SWAP70: variants seen among roughly 807,000 people sequenced by gnomAD.
SWAP70 encodes switch-associated protein 70.
SWAP70 carries 34 observed loss-of-function variants against 80.2 expected under a neutral mutation model. That is an observed-to-expected ratio of 0.42 (90% CI 0.32 to 0.56). The LOEUF is 0.56. Ranked by LOEUF, SWAP70 falls within the 20% of genes least tolerant of loss-of-function variation. The pLI is 0.09. For synonymous variants in SWAP70, 239 were observed against 238.5 expected (o/e 1.00, Z -0.02); for missense variants, 578 against 690.7 (o/e 0.84, Z 1.83).
At position 9,750,073 on chromosome 11, in the gene SWAP70, C is replaced by T; in HGVS notation, c.*103C>T. The T allele has an allele frequency of 5.1e-6, 4 of 776,822 alleles. No homozygotes were observed. In the South Asian group the frequency reaches 6.4e-5, roughly 13 times the overall value. The allele number at this position is 776,822 out of a possible 1,614,324, so 48.1% of individuals were successfully genotyped here. On this transcript the variant is annotated 3_prime_UTR_variant, in exon 12 of 12. Transcript: ENST00000318950. ...GCTTTGGGGGCCGGGCGTGGTGGCTCACGCCTGTAATCCCAGCACTTTGGG... is the reference window on the plus strand; with the variant it reads ...GCTTTGGGGGCCGGGCGTGGTGGCTTACGCCTGTAATCCCAGCACTTTGGG...
At chr11:9,719,803 G>A (rs1168153731) in intron 3 of SWAP70, among the ~76,000 whole-genome samples, 1 of 152,142 alleles carries the variant, frequency 6.6e-6, no homozygotes, top group Non-Finnish European at 1.5e-5. Flanking sequence ...TGTGTCTCTT[G>A]TGTACCTATT....
intron 7 of SWAP70, among the ~76,000 whole-genome samples, chr11:9,735,169 C>T (rs1327009079): frequency 6.6e-6 from 1 of 152,092 alleles, no homozygotes; most frequent in Non-Finnish European, 1.5e-5. Flanking sequence ...CTCCCCCTCC[C>T]CCACTTATGA....
intron 1 of SWAP70, among the ~76,000 whole-genome samples, chr11:9,693,148 G>A (rs373873128): frequency 3.3e-5 from 5 of 152,190 alleles, no homozygotes; most frequent in Non-Finnish European, 5.9e-5. Context: ...AATGTTTAGG[G>A]CTGAGAAAAA....
intron 2 of SWAP70, among the ~76,000 whole-genome samples, chr11:9,706,673 A>G (rs1162435199): frequency 6.6e-6 from 1 of 152,110 alleles, no homozygotes; most frequent in Non-Finnish European, 1.5e-5. Context: ...ATGTATGATT[A>G]ATTTTTACTC....
At chr11:9,680,175 A>G (rs1242114061) in intron 1 of SWAP70, among the ~76,000 whole-genome samples, 1 of 152,148 alleles carries the variant, frequency 6.6e-6, no homozygotes, top group Non-Finnish European at 1.5e-5. Context: ...TAAGTTGAGG[A>G]TTGTGTGATG....
intron 7 of SWAP70, 102 bp downstream of exon 7, chr11:9,732,812 GT>G: frequency 9.0e-7 from 1 of 1,105,380 alleles, no homozygotes; most frequent in Non-Finnish European, 1.3e-6. Flanking sequence ...ATGTAGTGCA[GT>G]TTTAGGGAGA....
chr11:9,682,084 A>G (rs1850574333), intron 1 of SWAP70, among the ~76,000 whole-genome samples: 1 of 152,114 alleles, frequency 6.6e-6, no homozygotes, highest in South Asian at 2.1e-4. Context: ...TTGTAGCTTG[A>G]TGTGTTTACC....
chr11:9,718,222 A>T (rs1851090293), intron 3 of SWAP70, among the ~76,000 whole-genome samples: 1 of 152,140 alleles, frequency 6.6e-6, no homozygotes, highest in South Asian at 2.1e-4. Context: ...TACTGTTTGG[A>T]CTCACTCTGT....
chr11:9,666,956 C>T (rs1355648863), intron 1 of SWAP70, among the ~76,000 whole-genome samples: 1 of 152,102 alleles, frequency 6.6e-6, no homozygotes, highest in East Asian at 1.9e-4. Flanking sequence ...AACTCCTGAC[C>T]TCGTGATCTG....
chr11:9,708,135 G>A (rs2134467729), intron 2 of SWAP70, among the ~76,000 whole-genome samples: 1 of 152,218 alleles, frequency 6.6e-6, no homozygotes, highest in South Asian at 2.1e-4. Context: ...GGTCCTGTTT[G>A]CAGGTCTTTT....
chr11:9,737,464 G>A (rs564933774), intron 7 of SWAP70, among the ~76,000 whole-genome samples: 1 of 152,160 alleles, frequency 6.6e-6, no homozygotes, highest in Non-Finnish European at 1.5e-5. Flanking sequence ...ATTTTCACCA[G>A]TTATGGTTGT....
At chr11:9,749,233 T>C in intron 11 of SWAP70, 50 bp downstream of exon 11, 1 of 1,027,384 alleles carries the variant, frequency 9.7e-7, no homozygotes, top group Non-Finnish European at 1.3e-6. Flanking sequence ...TTTTCATTTT[T>C]ATTTTATTTA....
chr11:9,749,998 A>T lies in SWAP70; in HGVS notation c.*28A>T, dbSNP rs748154946. ...GAGCTTGCTGGCAGTCACGTCAGTT[A>T]TGTAGATACTGCATGGCAGGAGAGC... On this transcript the variant is annotated 3_prime_UTR_variant, in exon 12 of 12. Transcript: ENST00000318950. 25 of 1,440,654 alleles carry T rather than the reference A, an allele frequency of 1.7e-5. No homozygotes were observed. In the Middle Eastern group the frequency reaches 5.2e-4, roughly 30 times the overall value. The allele number at this position is 1,440,654 out of a possible 1,614,324, so 89.2% of individuals were successfully genotyped here. A position where few individuals can be genotyped will look rare whatever the true frequency, so the allele number is the denominator to read the frequency against.
intron 2 of SWAP70, among the ~76,000 whole-genome samples, chr11:9,696,999 G>C (rs1850766586): frequency 6.6e-6 from 1 of 151,986 alleles, no homozygotes; most frequent in African/African-American, 2.4e-5. Flanking sequence ...ATTGTTTGAG[G>C]TCAGGAGTTC....
chr11:9,679,361 G>T (rs1850539340), intron 1 of SWAP70, among the ~76,000 whole-genome samples: 1 of 152,224 alleles, frequency 6.6e-6, no homozygotes, highest in South Asian at 2.1e-4. Flanking sequence ...TCTACAGACA[G>T]CTCTGGAAGG....
At chr11:9,701,729 T>C (rs897806111) in intron 2 of SWAP70, among the ~76,000 whole-genome samples, 4 of 135,906 alleles carry the variant, frequency 2.9e-5, no homozygotes, top group African/African-American at 1.1e-4. Context: ...AGAGACACTA[T>C]TGCTGGATTA....
chr11:9,678,812 A>G (rs1234017475), intron 1 of SWAP70, among the ~76,000 whole-genome samples: 1 of 151,554 alleles, frequency 6.6e-6, no homozygotes, highest in Non-Finnish European at 1.5e-5. Context: ...ATCAGTGGTG[A>G]TTATTAGCAC....
chr11:9,690,480 G>T (rs1850684642), intron 1 of SWAP70, among the ~76,000 whole-genome samples: 1 of 152,124 alleles, frequency 6.6e-6, no homozygotes, highest in South Asian at 2.1e-4. Flanking sequence ...GGGAGGCTGA[G>T]GTGGAAAGAT....
chr11:9,752,644 A>G lies in SWAP70; in HGVS notation c.*2674A>G, dbSNP rs528021010. On this transcript the variant is annotated 3_prime_UTR_variant, in exon 12 of 12. Transcript: ENST00000318950. ...CAGAACTCTTGGTTTTACTTTTGTA[A>G]TTACTGTACAGAAAATTTCAAGAGT... is the stretch of plus-strand genomic sequence containing the variant. 1.3e-5 allele frequency: 2 copies of G among 152,350 alleles called. No individual in the cohort carries two copies. The highest frequency in any genetic ancestry group is 2.1e-4 in the South Asian group (1 of 4,832). 9.4% of individuals were successfully genotyped at this position (152,350 alleles called of 1,614,324 possible).
Sources: gnomAD v4.1 joint callset for allele counts (sites outside exome capture counted in the v4.1 genomes callset) on GRCh38, gnomAD v4.1.1 for gene constraint, MANE v1.5 for transcripts, NCBI Gene and HGNC (gene_info 2026-07-23, HGNC 2026-07-21) for gene names.